Variants in HSPA12A observed in about 807,000 individuals in gnomAD.
HSPA12A encodes heat shock protein family A (Hsp70) member 12A, also known as heat shock 70 kDa protein 12A.
HSPA12A carries 28 observed loss-of-function variants against 69.2 expected under a neutral mutation model. The ratio of observed to expected loss-of-function variants is 0.40; its 90% CI spans 0.30 to 0.55. The LOEUF is 0.55. HSPA12A is among the 20% of genes least tolerant of loss of function. HSPA12A has a pLI of 0.38. For missense variants in HSPA12A, 686 were observed against 900.7 expected, an observed-to-expected ratio of 0.76 and a Z score of 3.05; for synonymous variants, 345 against 370.5, an observed-to-expected ratio of 0.93 and a Z score of 0.79.
At chr10:116,720,365 G>C (rs1326897801) in intron 1 of HSPA12A, among the ~76,000 whole-genome samples, 1 of 152,224 alleles carries the variant, frequency 6.6e-6, no homozygotes, top group Non-Finnish European at 1.5e-5. Context: ...CTCTCCAACT[G>C]GGGCTGGGGC....
At chr10:116,822,066 G>A (rs921372186) in intron 2 of HSPA12A, among the ~76,000 whole-genome samples, 2 of 152,200 alleles carry the variant, frequency 1.3e-5, no homozygotes, top group African/African-American at 4.8e-5. Flanking sequence ...ACTTTGTATA[G>A]AGCAGTAGTA....
At chr10:116,705,447 C>G (rs3740578) in intron 2 of HSPA12A, among the ~76,000 whole-genome samples, 169 bp from the exon 3 acceptor site, 3,838 of 152,306 alleles carry the variant, frequency 0.025, 83 homozygotes, top group East Asian at 0.075. Flanking sequence ...CCAGCCTGGG[C>G]CCCCGCCTGA....
chr10:116,721,998 G>A (rs1216308118), intron 1 of HSPA12A, among the ~76,000 whole-genome samples: 3 of 152,204 alleles, frequency 2.0e-5, no homozygotes, highest in African/African-American at 7.2e-5. Context: ...TGCTCAGATG[G>A]ACAACCGCCC....
chr10:116,712,275 C>A (rs1240615922), intron 1 of HSPA12A, among the ~76,000 whole-genome samples: 1 of 152,106 alleles, frequency 6.6e-6, no homozygotes, highest in African/African-American at 2.4e-5. Flanking sequence ...TCCTGGAACA[C>A]CCCACCCCAA....
chr10:116,691,852 G>A (rs1441609669), intron 6 of HSPA12A, among the ~76,000 whole-genome samples: 1 of 152,260 alleles, frequency 6.6e-6, no homozygotes, highest in East Asian at 1.9e-4. Context: ...TGAGTGAAGT[G>A]TGCAGGGAAC....
At chr10:116,763,682 G>A (rs1297019680) in intron 2 of HSPA12A, among the ~76,000 whole-genome samples, 2 of 152,126 alleles carry the variant, frequency 1.3e-5, no homozygotes, top group Non-Finnish European at 2.9e-5. Context: ...AGACACAAAG[G>A]GGTCATTTTT....
chr10:116,763,869 G>C (rs930314605), intron 2 of HSPA12A, among the ~76,000 whole-genome samples: 4 of 152,194 alleles, frequency 2.6e-5, no homozygotes, highest in Non-Finnish European at 5.9e-5. Flanking sequence ...CTGGTTGGAA[G>C]CTGGGGCACA....
intron 2 of HSPA12A, among the ~76,000 whole-genome samples, chr10:116,789,852 C>T (rs753636473): frequency 9.2e-5 from 14 of 152,118 alleles, no homozygotes; most frequent in South Asian, 8.3e-4. Context: ...CTCCAGACTA[C>T]GGGTCAGGTT....
rs1850853880 is a variant in HSPA12A, at chr10:116,723,633, C to T, written c.41-16348G>A. Among the ~76,000 whole-genome samples the T allele has an allele frequency of 6.6e-6, 1 of 152,192 alleles. No individual in the cohort carries two copies. Among genetic ancestry groups the T allele is most frequent in the South Asian group, 2.1e-4 (1 of 4,834 alleles). On this transcript the variant is annotated intron_variant, in intron 1 of 11. Transcript: ENST00000369209. This position sits in a 1 kb window ranked among gnomAD's most constrained non-coding sequence, Gnocchi z 4.1. ...ACCGAGCTGGGTGAGGTTAGGTGCT[C>T]AGGAAGCATGGGGCCTCCCCTGACA... is the stretch of plus-strand genomic sequence containing the variant.
chr10:116,810,216 G>C (rs1845150233), intron 2 of HSPA12A, among the ~76,000 whole-genome samples: 1 of 152,114 alleles, frequency 6.6e-6, no homozygotes, highest in African/African-American at 2.4e-5. Context: ...TACCCTCCAA[G>C]GTGAAGATTA....
rs1040577433 is a variant in HSPA12A at position 116,676,362 on chromosome 10, C to G, written c.1390+37G>C. The stretch of plus-strand genomic sequence containing the variant: ...GGAAAGCCCATCCCCTTTCTCAGCT[C>G]TGCCTCGCCGAGTGGCCGAGCCTGG... On this transcript the variant is annotated intron_variant, in intron 11 of 11. Transcript: ENST00000369209. The G allele has an allele frequency of 3.9e-6, 6 of 1,540,686 alleles. No individual in the cohort carries two copies. In the Admixed American group the frequency reaches 6.7e-5, roughly 17 times the overall value.
Position 116,685,115 on chromosome 10 carries a change from C to T in HSPA12A, c.664-1153G>A, listed in dbSNP as rs1407766358. ...CTGACTTTTTGCCATTTCTTAGGAA[C>T]CTTGGGATGCTGCCTTCATACCATG... On this transcript the variant is annotated intron_variant, in intron 6 of 11. Coordinates refer to ENST00000369209, the MANE Select transcript of HSPA12A (RefSeq NM_025015.3). Among the ~76,000 whole-genome samples, 4 of 152,298 alleles carry T rather than the reference C, an allele frequency of 2.6e-5. No homozygotes were observed. The South Asian group carries it at 8.3e-4, about 32-fold the overall frequency.
chr10:116,777,686 C>G lies in HSPA12A; in HGVS notation c.91+57249G>C, dbSNP rs145645559. 1.1e-3 allele frequency among the ~76,000 whole-genome samples: 160 copies of G among 152,352 alleles called. 2 individuals carry two copies. The highest frequency in any genetic ancestry group is 3.8e-3 in the African/African-American group (157 of 41,598). On this transcript the variant is annotated intron_variant, in intron 2 of 12. Transcript: ENST00000635765. ...CAGACACAAATAAGCTTAAGTGCAT[C>G]GACAATAGTCAGATCAGATGCACAA...
At chr10:116,788,742 G>C (rs535490865) in intron 2 of HSPA12A, among the ~76,000 whole-genome samples, 136 of 151,982 alleles carry the variant, frequency 8.9e-4, no homozygotes, top group Non-Finnish European at 4.7e-4. Flanking sequence ...ATTTTCAATT[G>C]AAAAAGTTAT....
chr10:116,775,727 G>A (rs564169310), intron 2 of HSPA12A, among the ~76,000 whole-genome samples: 81 of 152,236 alleles, frequency 5.3e-4, no homozygotes, highest in African/African-American at 1.9e-3. Context: ...AGAGGATTTG[G>A]GGACATCAGG....
At chr10:116,834,558 G>A (rs1845676253) in intron 2 of HSPA12A, among the ~76,000 whole-genome samples, 1 of 152,068 alleles carries the variant, frequency 6.6e-6, no homozygotes, top group African/African-American at 2.4e-5. Context: ...CCTTTGTATG[G>A]GCCCTCACAG....
chr10:116,721,894 A>G (rs975873356), intron 1 of HSPA12A, among the ~76,000 whole-genome samples: 13 of 152,200 alleles, frequency 8.5e-5, no homozygotes, highest in Non-Finnish European at 1.6e-4. Flanking sequence ...ATGAGTGAAC[A>G]CACGTGGCCT....
At chr10:116,833,624 T>C (rs973478814) in intron 2 of HSPA12A, among the ~76,000 whole-genome samples, 3 of 152,228 alleles carry the variant, frequency 2.0e-5, no homozygotes, top group Non-Finnish European at 2.9e-5. Context: ...AATTTATTTA[T>C]TGAGCACCTA....
intron 1 of HSPA12A, among the ~76,000 whole-genome samples, chr10:116,731,069 T>C: frequency 6.6e-6 from 1 of 152,252 alleles, no homozygotes; most frequent in East Asian, 1.9e-4. Context: ...CCTTGTGGAC[T>C]CAGTCAATGC....
Sources: gnomAD v4.1 joint callset for allele counts (sites outside exome capture counted in the v4.1 genomes callset) on GRCh38, gnomAD v4.1.1 for gene constraint, Gnocchi (gnomAD v3.1) non-coding constraint, MANE v1.5 for transcripts, NCBI Gene and HGNC (gene_info 2026-07-23, HGNC 2026-07-21) for gene names.